The following PTPRD variants were observed in gnomAD, a reference collection of about 807,000 sequenced individuals.
PTPRD encodes the protein receptor-type tyrosine-protein phosphatase delta.
In PTPRD, 34 loss-of-function variants were observed where a neutral mutation model predicts 214.5. The ratio of observed to expected loss-of-function variants is 0.16; its 90% CI spans 0.12 to 0.21. The LOEUF (loss-of-function observed/expected upper bound fraction) is 0.21. Ranked by LOEUF, PTPRD falls within the 10% of genes least tolerant of loss-of-function variation. The probability of loss-of-function intolerance (pLI) is 1.00; values close to 1 mark genes in which losing one functional copy is unlikely to be tolerated. For missense variants in PTPRD, 2,545 were observed against 2,398.7 expected, an observed-to-expected ratio of 1.06 and a Z score of -1.27; for synonymous variants, 1,128 against 845.7, an observed-to-expected ratio of 1.33 and a Z score of -5.79.
intron 11 of PTPRD, among the ~76,000 whole-genome samples, chr9:8,883,726 G>A (rs1047534253): frequency 6.6e-6 from 1 of 152,122 alleles, no homozygotes; most frequent in East Asian, 1.9e-4. Flanking sequence ...TACAGGTCTT[G>A]TATTTTCATT....
At position 9,933,834 on chromosome 9, in the gene PTPRD, G is replaced by T. The variant is rs1307781084; in HGVS notation, c.-368+4673C>A. Among the ~76,000 whole-genome samples the T allele has an allele frequency of 5.4e-5, 8 of 149,262 alleles. 1 individual carries two copies. Among genetic ancestry groups the T allele is most frequent in the African/African-American group, 1.3e-4 (5 of 39,118 alleles). ...ATTGACCACATACTTGGAAGTAAAG[G>T]TCTCCTCAGAAAATGTAAAAGAACA... On this transcript the variant is annotated intron_variant, in intron 5 of 45. Coordinates refer to ENST00000381196, the MANE Select transcript of PTPRD (RefSeq NM_002839.4).
At chr9:10,206,391 A>G (rs531012031) in intron 3 of PTPRD, among the ~76,000 whole-genome samples, 2 of 152,214 alleles carry the variant, frequency 1.3e-5, no homozygotes, top group Non-Finnish European at 2.9e-5. Flanking sequence ...AGCAAAGCCA[A>G]CTCCCTCCCA....
chr9:10,271,879 AT>A (rs1049611933), intron 3 of PTPRD, among the ~76,000 whole-genome samples: 1 of 150,842 alleles, frequency 6.6e-6, no homozygotes, highest in African/African-American at 2.4e-5. Context: ...TTCTTCTTTG[AT>A]TTTTTTTTAA....
At chr9:10,345,941 T>C (rs1446299480) in intron 2 of PTPRD, among the ~76,000 whole-genome samples, 1 of 152,208 alleles carries the variant, frequency 6.6e-6, no homozygotes, top group Non-Finnish European at 1.5e-5. Context: ...CCTGACTTTT[T>C]AATGATCGCC....
intron 3 of PTPRD, among the ~76,000 whole-genome samples, chr9:10,141,474 C>T (rs2098984604): frequency 6.6e-6 from 1 of 152,050 alleles, no homozygotes; most frequent in South Asian, 2.1e-4. Context: ...AACAGAGAGC[C>T]AAATCATGAG....
At chr9:9,706,583 T>G (rs7859936) in intron 7 of PTPRD, among the ~76,000 whole-genome samples, 119,786 of 151,828 alleles carry the variant, frequency 0.79, 47,951 homozygotes, top group African/African-American at 0.92. Flanking sequence ...GGGACTACAG[T>G]TGTGTGCCAC....
chr9:9,517,350 G>A (rs551070205), intron 8 of PTPRD, among the ~76,000 whole-genome samples: 1 of 152,048 alleles, frequency 6.6e-6, no homozygotes, highest in Non-Finnish European at 1.5e-5. Flanking sequence ...ATTTTAGTAA[G>A]GGGATAGACT....
At chr9:10,218,028 T>A (rs2099549667) in intron 3 of PTPRD, among the ~76,000 whole-genome samples, 1 of 151,900 alleles carries the variant, frequency 6.6e-6, no homozygotes, top group African/African-American at 2.4e-5. Context: ...ATTTTTCTGT[T>A]AATATAACAT....
intron 5 of PTPRD, among the ~76,000 whole-genome samples, chr9:9,883,369 G>C (rs145301935): frequency 8.0e-4 from 122 of 152,148 alleles, no homozygotes; most frequent in African/African-American, 2.9e-3. Context: ...ACAGGCTGTA[G>C]GGAAAAGAAA....
At chr9:8,576,546 T>G (rs528557946) in intron 14 of PTPRD, among the ~76,000 whole-genome samples, 1 of 150,654 alleles carries the variant, frequency 6.6e-6, no homozygotes, top group East Asian at 2.0e-4. Context: ...TTATGTGTAG[T>G]TCTCTTTTTG....
chr9:8,970,569 A>G (rs1265469495), intron 11 of PTPRD, among the ~76,000 whole-genome samples: 1 of 151,804 alleles, frequency 6.6e-6, no homozygotes, highest in Non-Finnish European at 1.5e-5. Flanking sequence ...GAGACAAGGA[A>G]ACAATAAGCT....
chr9:8,710,693 TGA>T (rs1489138858), intron 12 of PTPRD, among the ~76,000 whole-genome samples: 2 of 152,166 alleles, frequency 1.3e-5, no homozygotes, highest in African/African-American at 4.8e-5. Flanking sequence ...TAATTATAAA[TGA>T]GTTTTTATGT....
chr9:9,242,311 C>A (rs1006107292), intron 9 of PTPRD, among the ~76,000 whole-genome samples: 2 of 152,112 alleles, frequency 1.3e-5, no homozygotes, highest in Non-Finnish European at 2.9e-5. Context: ...GTGAATCTGA[C>A]AATTATGTGT....
intron 9 of PTPRD, among the ~76,000 whole-genome samples, chr9:9,270,386 T>C (rs1233094875): frequency 6.6e-6 from 1 of 151,322 alleles, no homozygotes; most frequent in Non-Finnish European, 1.5e-5. Context: ...GTGGCATTTA[T>C]GCTAAAAATA....
At chr9:10,101,790 C>T (rs1314807467) in intron 3 of PTPRD, among the ~76,000 whole-genome samples, 4 of 151,664 alleles carry the variant, frequency 2.6e-5, no homozygotes, top group Non-Finnish European at 5.9e-5. Context: ...AATCATAAAT[C>T]CTAGCCACAG....
intron 11 of PTPRD, among the ~76,000 whole-genome samples, chr9:8,781,062 C>T (rs1549998): frequency 6.6e-6 from 1 of 151,976 alleles, no homozygotes; most frequent in South Asian, 2.1e-4. Context: ...TAGGAGGATG[C>T]GGGATGGTTA....
chr9:8,709,841 G>T (rs2098292761), intron 12 of PTPRD, among the ~76,000 whole-genome samples: 2 of 152,152 alleles, frequency 1.3e-5, no homozygotes, highest in South Asian at 4.1e-4. Flanking sequence ...TAAGGGAAAG[G>T]TAAATAGGGC....
At chr9:10,128,258 T>C (rs1213909192) in intron 3 of PTPRD, among the ~76,000 whole-genome samples, 1 of 152,140 alleles carries the variant, frequency 6.6e-6, no homozygotes, top group African/African-American at 2.4e-5. Context: ...TGGCTTAGAA[T>C]GTGACATAAT....
At chr9:10,529,327 C>T (rs1347304668) in intron 2 of PTPRD, among the ~76,000 whole-genome samples, 1 of 152,092 alleles carries the variant, frequency 6.6e-6, no homozygotes, top group Non-Finnish European at 1.5e-5. Flanking sequence ...CCCAATTGCC[C>T]ATCAAGGTTA....
Sources: allele counts gnomAD v4.1 joint callset (sites outside exome capture counted in the v4.1 genomes callset), GRCh38; gene constraint gnomAD v4.1.1; transcripts MANE v1.5; gene names NCBI Gene and HGNC (gene_info 2026-07-23, HGNC 2026-07-21).